PRKG1: variants seen among roughly 807,000 people sequenced by gnomAD.
PRKG1 encodes cGMP-dependent protein kinase 1.
Under a neutral mutation model 88.1 loss-of-function variants are expected in PRKG1, and 35 were observed. The observed-to-expected ratio is 0.40, with a 90% CI of 0.30 to 0.53. The LOEUF (loss-of-function observed/expected upper bound fraction) is 0.53. Among genes scored for constraint, PRKG1 ranks in the 20% least tolerant of loss-of-function variants. The pLI is 0.59. For synonymous variants in PRKG1, 303 were observed against 292.5 expected, an observed-to-expected ratio of 1.04 and a Z score of -0.37; for missense variants, 540 against 839.8, an observed-to-expected ratio of 0.64 and a Z score of 4.41.
chr10:52,055,531 G>A (rs1846090142), intron 6 of PRKG1, among the ~76,000 whole-genome samples: 1 of 152,046 alleles, frequency 6.6e-6, no homozygotes, highest in African/African-American at 2.4e-5. Flanking sequence ...TTGGAAAATA[G>A]AATTTCTTTT....
At chr10:51,369,274 A>T (rs1229150397) in intron 2 of PRKG1, among the ~76,000 whole-genome samples, 1 of 152,088 alleles carries the variant, frequency 6.6e-6, no homozygotes, top group Non-Finnish European at 1.5e-5. Context: ...ACAGTTGAGG[A>T]GACTTGGAAG....
At chr10:52,124,217 G>A (rs1457685254) in intron 7 of PRKG1, among the ~76,000 whole-genome samples, 1 of 152,104 alleles carries the variant, frequency 6.6e-6, no homozygotes, top group Non-Finnish European at 1.5e-5. Context: ...TCTGAGAAAT[G>A]CATCTTTAGG....
intron 1 of PRKG1, among the ~76,000 whole-genome samples, chr10:51,093,890 A>G (rs2131869364): frequency 6.6e-6 from 1 of 150,818 alleles, no homozygotes; most frequent in Admixed American, 6.6e-5. Flanking sequence ...CTTTTATCCC[A>G]TACATTCTTT....
chr10:52,219,185 T>C (rs964151173), intron 9 of PRKG1, among the ~76,000 whole-genome samples: 2 of 121,406 alleles, frequency 1.6e-5, no homozygotes, highest in Non-Finnish European at 3.5e-5. Flanking sequence ...GATTTTGAGC[T>C]GGGAGGCTTT....
At chr10:51,607,299 G>T (rs1469704987) in intron 3 of PRKG1, among the ~76,000 whole-genome samples, 1 of 152,188 alleles carries the variant, frequency 6.6e-6, no homozygotes, top group Admixed American at 6.5e-5. Context: ...ATCCAGAACA[G>T]GGCTGGCAAA....
intron 3 of PRKG1, among the ~76,000 whole-genome samples, chr10:51,686,430 T>C (rs1840993045): frequency 6.6e-6 from 1 of 152,158 alleles, no homozygotes; most frequent in Non-Finnish European, 1.5e-5. Flanking sequence ...TTGCATAGGA[T>C]AATGGAGCTT....
At chr10:51,341,098 C>T (rs1039409776) in intron 2 of PRKG1, among the ~76,000 whole-genome samples, 8 of 152,212 alleles carry the variant, frequency 5.3e-5, no homozygotes, top group Non-Finnish European at 1.2e-4. Context: ...CAGCTCATAG[C>T]ATCAAATACA....
intron 2 of PRKG1, among the ~76,000 whole-genome samples, chr10:51,383,368 G>C (rs749429780): frequency 1.6e-4 from 24 of 152,142 alleles, no homozygotes; most frequent in Non-Finnish European, 3.2e-4. Context: ...AGGACAATTA[G>C]AAGGCAGCAA....
chr10:51,369,414 C>T (rs149838678), intron 2 of PRKG1, among the ~76,000 whole-genome samples: 1 of 152,098 alleles, frequency 6.6e-6, no homozygotes, highest in East Asian at 1.9e-4. Flanking sequence ...TCTGTTATAC[C>T]ATCTCACTGG....
At position 52,279,770 on chromosome 10, in the gene PRKG1, A is replaced by C. The variant is rs1029264939; in HGVS notation, c.1404-1019A>C. Among the ~76,000 whole-genome samples, 3 of 152,180 alleles carry C rather than the reference A, an allele frequency of 2.0e-5. No individual in the cohort carries two copies. In the South Asian group the frequency reaches 6.2e-4, roughly 32 times the overall value. On this transcript the variant is annotated intron_variant, in intron 12 of 17. Transcript: ENST00000373980. The stretch of plus-strand genomic sequence containing the variant: ...TAATAAAATCACTTGTGTGCTTGTC[A>C]CTCATGTTATATCTCAACCACCTCA...
chr10:51,892,192 C>T (rs1297421210), intron 4 of PRKG1, among the ~76,000 whole-genome samples: 1 of 146,054 alleles, frequency 6.8e-6, no homozygotes, highest in African/African-American at 2.4e-5. Context: ...TTGAAAAATA[C>T]TCTTTTCCTT....
intron 1 of PRKG1, among the ~76,000 whole-genome samples, chr10:51,026,845 G>A (rs1843213188): frequency 2.0e-5 from 3 of 152,086 alleles, no homozygotes. Context: ...TATTTTATAT[G>A]CATTATCTTC....
At chr10:51,569,859 C>T (rs1230619516) in intron 3 of PRKG1, among the ~76,000 whole-genome samples, 1 of 151,744 alleles carries the variant, frequency 6.6e-6, no homozygotes, top group East Asian at 1.9e-4. Context: ...ACAGTTCTGC[C>T]AGGTGCATGG....
intron 3 of PRKG1, among the ~76,000 whole-genome samples, chr10:51,627,841 C>T (rs1839375364): frequency 7.7e-6 from 1 of 130,430 alleles, no homozygotes; most frequent in Non-Finnish European, 1.7e-5. Flanking sequence ...CCTCTCCTTT[C>T]CTTTCCTTTC....
At chr10:52,106,431 C>A (rs1847424020) in intron 7 of PRKG1, among the ~76,000 whole-genome samples, 1 of 152,030 alleles carries the variant, frequency 6.6e-6, no homozygotes, top group Non-Finnish European at 1.5e-5. Flanking sequence ...CCTTTTCCTC[C>A]AGAAACTCAC....
rs148927639 is a variant in PRKG1 at position 51,096,843 on chromosome 10, T to C, written c.311+21942T>C. Among the ~76,000 whole-genome samples the C allele has an allele frequency of 5.2e-3, 799 of 152,270 alleles. 5 individuals are homozygous for C. The highest frequency in any genetic ancestry group is 0.018 in the African/African-American group (755 of 41,558). ...GGGAAAGACTGCTTCCCAAGGGCAT[T>C]TGCAATGTTCTGGAGGTATGTTGCT... On this transcript the variant is annotated intron_variant, in intron 1 of 17. Transcript: ENST00000373980.
chr10:52,091,662 G>T (rs1459640050), intron 7 of PRKG1, among the ~76,000 whole-genome samples: 2 of 152,070 alleles, frequency 1.3e-5, no homozygotes, highest in Non-Finnish European at 2.9e-5. Flanking sequence ...TTCATCAGTG[G>T]GTTAAACAGT....
chr10:51,269,283 A>T (rs984812621), intron 2 of PRKG1, among the ~76,000 whole-genome samples: 2 of 152,234 alleles, frequency 1.3e-5, no homozygotes. Flanking sequence ...GTGGGAATGT[A>T]AACTAGTATA....
At chr10:51,309,757 G>GA (rs200349924) in intron 2 of PRKG1, among the ~76,000 whole-genome samples, 19 of 150,600 alleles carry the variant, frequency 1.3e-4, no homozygotes, top group South Asian at 1.3e-3. Flanking sequence ...CTACCCAAAG[G>GA]AAAAAAAAAT....
Sources: allele counts gnomAD v4.1 joint callset (sites outside exome capture counted in the v4.1 genomes callset), GRCh38; gene constraint gnomAD v4.1.1; transcripts MANE v1.5; gene names NCBI Gene and HGNC (gene_info 2026-07-23, HGNC 2026-07-21).